The following PCDH15 variants were observed in gnomAD, a reference collection of about 807,000 sequenced individuals.
PCDH15 encodes the protein protocadherin-15.
Under a neutral mutation model 178.5 loss-of-function variants are expected in PCDH15, and 129 were observed. The ratio of observed to expected loss-of-function variants is 0.72; its 90% confidence interval spans 0.63 to 0.84. The LOEUF is 0.84. Among genes scored for constraint, PCDH15 ranks in the 40% least tolerant of loss-of-function variants. PCDH15 has a pLI of 0.00. For missense variants in PCDH15, 2,230 were observed against 2,099.9 expected (o/e 1.06, Z -1.21); for synonymous variants, 800 against 732.0 (o/e 1.09, Z -1.50).
chr10:54,513,276 T>G (rs2081893382), intron 3 of PCDH15, among the ~76,000 whole-genome samples: 1 of 147,580 alleles, frequency 6.8e-6, no homozygotes, highest in African/African-American at 2.5e-5. Flanking sequence ...TTTATTTATT[T>G]ATGAGACACA....
intron 3 of PCDH15, among the ~76,000 whole-genome samples, chr10:54,891,857 T>G (rs1954467649): frequency 1.3e-5 from 2 of 152,088 alleles, no homozygotes; most frequent in Admixed American, 1.3e-4. Flanking sequence ...AATTCAGACT[T>G]CATCACAGTG....
chr10:54,920,926 C>G (rs1222782581), intron 2 of PCDH15, among the ~76,000 whole-genome samples: 1 of 152,124 alleles, frequency 6.6e-6, no homozygotes, highest in Non-Finnish European at 1.5e-5. Context: ...TGACTGATGA[C>G]CATCATATCA....
Position 55,106,536 on chromosome 10 carries a change from C to T in PCDH15, c.-80+60040G>A, listed in dbSNP as rs1445390919. Among the ~76,000 whole-genome samples the T allele has an allele frequency of 2.0e-5, 3 of 152,152 alleles. No individual in the cohort carries two copies. The East Asian group carries it at 5.8e-4, about 29-fold the overall frequency. ...GTTCAAGCTATTCTCCTGCCTCAGC[C>T]TCCTGAGTAGCTGGGATTACAGGCA... On this transcript the variant is annotated intron_variant, in intron 2 of 5. Transcript: ENST00000458638.
chr10:53,826,825 G>A (rs539551337), intron 32 of PCDH15, among the ~76,000 whole-genome samples: 49 of 152,022 alleles, frequency 3.2e-4, no homozygotes, highest in African/African-American at 8.4e-4. Flanking sequence ...CTAAGTAGTT[G>A]GGAATTTAAT....
chr10:55,027,288 G>A (rs1287798829), intron 2 of PCDH15, among the ~76,000 whole-genome samples: 1 of 151,720 alleles, frequency 6.6e-6, no homozygotes, highest in Non-Finnish European at 1.5e-5. Flanking sequence ...AATGCAAAGA[G>A]AAAAACAGAA....
At chr10:53,924,469 G>A (rs1015943778) in intron 25 of PCDH15, among the ~76,000 whole-genome samples, 15 of 152,180 alleles carry the variant, frequency 9.9e-5, no homozygotes, top group South Asian at 4.1e-4. Flanking sequence ...TCCCCCCGCC[G>A]TGGGCTCCTG....
chr10:54,442,599 CAG>C (rs1252050983), intron 3 of PCDH15, among the ~76,000 whole-genome samples: 1 of 148,692 alleles, frequency 6.7e-6, no homozygotes, highest in Non-Finnish European at 1.5e-5. Flanking sequence ...TGCCTTTCTT[CAG>C]AGTGGAGTCA....
intron 26 of PCDH15, among the ~76,000 whole-genome samples, chr10:53,881,150 A>T (rs10825144): frequency 0.63 from 95,611 of 151,610 alleles, 30,946 homozygotes; most frequent in Middle Eastern, 0.78. Flanking sequence ...GTAAAATTTC[A>T]GTGAAATAGT....
At chr10:54,496,208 A>AT (rs1240615775) in intron 3 of PCDH15, among the ~76,000 whole-genome samples, 3 of 151,878 alleles carry the variant, frequency 2.0e-5, no homozygotes, top group Non-Finnish European at 4.4e-5. Flanking sequence ...GGGGCTGGCA[A>AT]TTTTTTCAAT....
At position 54,700,769 on chromosome 10, in the gene PCDH15, A is replaced by C. The variant is rs550608828; in HGVS notation, c.-28-36479T>G. Among the ~76,000 whole-genome samples, 22 of 152,180 alleles carry C rather than the reference A, an allele frequency of 1.4e-4. 1 individual carries two copies. The South Asian group carries it at 2.3e-3, about 16-fold the overall frequency. On this transcript the variant is annotated intron_variant, in intron 1 of 37. Coordinates refer to ENST00000644397, the MANE Select transcript of PCDH15 (RefSeq NM_001384140.1). ...CCCTATAGGAGAAAGAGTAAGAAAG[A>C]AAGCAAGTTGGAAACCATATTTTGG...
intron 3 of PCDH15, among the ~76,000 whole-genome samples, chr10:54,508,951 A>G (rs993520160): frequency 1.3e-5 from 2 of 152,158 alleles, no homozygotes; most frequent in Non-Finnish European, 2.9e-5. Flanking sequence ...CATTTCACGT[A>G]TACACACATA....
intron 2 of PCDH15, among the ~76,000 whole-genome samples, chr10:55,424,611 A>G (rs1003836161): frequency 6.6e-6 from 1 of 152,176 alleles, no homozygotes; most frequent in African/African-American, 2.4e-5. Flanking sequence ...TCTTCAAAAC[A>G]TAAGACAACC....
intron 13 of PCDH15, among the ~76,000 whole-genome samples, chr10:54,164,595 G>C (rs1024543597): frequency 3.9e-5 from 6 of 152,226 alleles, no homozygotes; most frequent in African/African-American, 1.4e-4. Flanking sequence ...GAACAGTTAA[G>C]TGAATCTATC....
At chr10:54,315,512 G>A (rs1212851135) in intron 8 of PCDH15, among the ~76,000 whole-genome samples, 1 of 152,140 alleles carries the variant, frequency 6.6e-6, no homozygotes, top group Non-Finnish European at 1.5e-5. Flanking sequence ...TTATTAAGCT[G>A]TGCAGAAGCT....
intron 2 of PCDH15, among the ~76,000 whole-genome samples, chr10:54,548,860 G>T (rs1362028484): frequency 4.6e-5 from 7 of 151,010 alleles, no homozygotes; most frequent in Admixed American, 4.0e-4. Flanking sequence ...TGAGCCTGGG[G>T]TTTATTGTGT....
chr10:54,980,012 A>C (rs147954273), intron 2 of PCDH15, among the ~76,000 whole-genome samples: 1,870 of 152,262 alleles, frequency 0.012, 35 homozygotes, highest in African/African-American at 0.042. Flanking sequence ...ATTTGTGAAC[A>C]TCTGCAATTG....
intron 17 of PCDH15, among the ~76,000 whole-genome samples, chr10:54,073,070 T>C (rs1213222236): frequency 2.0e-5 from 3 of 151,844 alleles, no homozygotes. Context: ...GTATAAAAAA[T>C]AAAGAAGCTT....
At chr10:54,963,695 C>G (rs1838712279) in intron 2 of PCDH15, among the ~76,000 whole-genome samples, 1 of 152,194 alleles carries the variant, frequency 6.6e-6, no homozygotes, top group Admixed American at 6.5e-5. Context: ...TAGAACTCCC[C>G]TTTTCAACTT....
At chr10:53,910,905 G>C (rs1469500596) in intron 25 of PCDH15, among the ~76,000 whole-genome samples, 6 of 152,150 alleles carry the variant, frequency 3.9e-5, no homozygotes, top group Non-Finnish European at 7.3e-5. Context: ...GTGGAAAAAA[G>C]GGTGCCAGAG....
Sources: allele counts gnomAD v4.1 joint callset (sites outside exome capture counted in the v4.1 genomes callset), GRCh38; gene constraint gnomAD v4.1.1; transcripts MANE v1.5; gene names NCBI Gene and HGNC (gene_info 2026-07-23, HGNC 2026-07-21).